The following ZNF571 variants were observed in gnomAD, a reference collection of about 807,000 sequenced individuals.
ZNF571 encodes the protein zinc finger protein 571.
ZNF571 carries 4 observed loss-of-function variants against 7.7 expected under a neutral mutation model. The ratio of observed to expected loss-of-function variants is 0.52; its 90% CI spans 0.25 to 1.18. The LOEUF is 1.18. Among genes scored for constraint, ZNF571 ranks in the 50% most tolerant of loss-of-function variants. The pLI is 0.14. For synonymous variants in ZNF571, 251 were observed against 232.4 expected (o/e 1.08, Z -0.73); for missense variants, 704 against 726.9 (o/e 0.97, Z 0.36).
chr19:37,592,084 C>A (rs1370702071), intron 1 of ZNF571, among the ~76,000 whole-genome samples: 1 of 151,702 alleles, frequency 6.6e-6, no homozygotes, highest in Non-Finnish European at 1.5e-5. Context: ...ATGGTGAAAC[C>A]CCGTCTCTAC....
rs1017385484 is a variant in ZNF571 at position 37,565,932 on chromosome 19, A to G, written c.496T>C (p.Cys166Arg). Residue 166 changes from cysteine (C) to arginine (R), a missense_variant, in exon 4 of 4, where the codon TGC (cysteine) becomes CGC (arginine). Transcript: ENST00000451802. The stretch of plus-strand genomic sequence containing the variant: ...TTCCTGTGTTTCTTAACTTCAGAGC[A>G]TTTTTCTATATTATGATTTTCCTCA... ...QHEENHNIEK[C>R]SEVKKHRNTF... The G allele has an allele frequency of 2.5e-6, 4 of 1,613,800 alleles. No homozygotes were observed. The East Asian group carries it at 6.7e-5, about 27-fold the overall frequency.
chr19:37,589,178 C>T (rs1443167955), intron 1 of ZNF571, among the ~76,000 whole-genome samples: 2 of 128,546 alleles, frequency 1.6e-5, no homozygotes, highest in Non-Finnish European at 3.1e-5. Flanking sequence ...TCAGCCTGGG[C>T]GACAAGAGCC....
At chr19:37,577,514 A>T (rs1481114243) in intron 3 of ZNF571, among the ~76,000 whole-genome samples, 1 of 152,178 alleles carries the variant, frequency 6.6e-6, no homozygotes, top group African/African-American at 2.4e-5. Flanking sequence ...TATTAAGGAC[A>T]AAAAAAGCAA....
At chr19:37,583,159 C>A (rs2043534280) in intron 3 of ZNF571, among the ~76,000 whole-genome samples, 1 of 152,168 alleles carries the variant, frequency 6.6e-6, no homozygotes. Flanking sequence ...TGATTTACAG[C>A]CAACTTTATT....
intron 3 of ZNF571, among the ~76,000 whole-genome samples, chr19:37,578,136 T>A (rs893915037): frequency 5.9e-5 from 9 of 152,006 alleles, no homozygotes; most frequent in Non-Finnish European, 1.2e-4. Context: ...CCCAAACCAG[T>A]CCGCCCTTCC....
rs2070887594 is a variant in ZNF571 at position 37,583,985 on chromosome 19, T to C, written c.122A>G (p.Asn41Ser). 2 of 1,611,540 alleles carry C rather than the reference T, an allele frequency of 1.2e-6. No homozygotes were observed. The highest frequency in any genetic ancestry group is 1.7e-6 in the Non-Finnish European group (2 of 1,178,680). ...GATGATCTTACCCAATGAGATCAGG[T>C]TGCTGTAGTTCTCCAACATCACATC... Reference protein sequence around the residue: ...YRDVMLENYSNLISLDLESSC... With the variant: ...YRDVMLENYSSLISLDLESSC... The change falls in exon 3 of 4, where the codon AAC becomes AGC. Residue 41 changes from asparagine to serine, a missense_variant. Physicochemically the swap from Asn to Ser is conservative, Grantham distance 46. Transcript: ENST00000451802.
At chr19:37,571,522 A>G (rs971983143) in intron 3 of ZNF571, among the ~76,000 whole-genome samples, 1 of 152,118 alleles carries the variant, frequency 6.6e-6, no homozygotes, top group Non-Finnish European at 1.5e-5. Flanking sequence ...ACAAAAAAAC[A>G]AATTCAAACT....
chr19:37,580,271 A>G (rs2043406117), intron 3 of ZNF571, among the ~76,000 whole-genome samples: 1 of 152,220 alleles, frequency 6.6e-6, no homozygotes, highest in African/African-American at 2.4e-5. Context: ...ATCAATCCTC[A>G]TGATATATAC....
intron 3 of ZNF571, among the ~76,000 whole-genome samples, chr19:37,578,580 C>CA (rs1274321422): frequency 6.6e-6 from 1 of 152,216 alleles, no homozygotes; most frequent in African/African-American, 2.4e-5. Context: ...AAGCCGCAGT[C>CA]ACAGTGCTGA....
At chr19:37,571,586 AG>A (rs1392805251) in intron 3 of ZNF571, among the ~76,000 whole-genome samples, 1 of 152,216 alleles carries the variant, frequency 6.6e-6, no homozygotes, top group African/African-American at 2.4e-5. Context: ...TATGATACTT[AG>A]ACTTAAGATT....
At chr19:37,590,737 G>A (rs901773236) in intron 1 of ZNF571, among the ~76,000 whole-genome samples, 1 of 152,038 alleles carries the variant, frequency 6.6e-6, no homozygotes, top group Admixed American at 6.5e-5. Flanking sequence ...CAACTTCTCT[G>A]TAAGTGTAAT....
rs552469425 is a variant in ZNF571, at chr19:37,587,624, A to G, written c.-69-879T>C. ...TTTTTTTTGGTAGCATTGATCTTGC[A>G]TACATGTATAATCCATGAACTTAAC... On this transcript the variant is annotated intron_variant, in intron 1 of 3. Transcript: ENST00000451802. Among the ~76,000 whole-genome samples, 10 of 151,310 alleles carry G rather than the reference A, an allele frequency of 6.6e-5. No individual in the cohort carries two copies. The East Asian group carries it at 1.9e-3, about 29-fold the overall frequency.
intron 2 of ZNF571, chr19:37,585,647 C>T (rs1006682657): frequency 6.6e-6 from 1 of 152,188 alleles, no homozygotes; most frequent in Admixed American, 6.5e-5. Context: ...TTGTTGGATT[C>T]CTGAATAGAG....
intron 1 of ZNF571, among the ~76,000 whole-genome samples, chr19:37,590,816 A>G (rs1413790147): frequency 6.6e-6 from 1 of 152,220 alleles, no homozygotes; most frequent in Non-Finnish European, 1.5e-5. Context: ...AAGAGACTAA[A>G]GAGGCATAAC....
rs1239412209 is a variant in ZNF571 at position 37,564,954 on chromosome 19, G to A, written c.1474C>T (p.His492Tyr). 6 of 1,613,836 alleles carry A rather than the reference G, an allele frequency of 3.7e-6. No homozygotes were observed. Among genetic ancestry groups the A allele is most frequent in the Middle Eastern group, 1.7e-4 (1 of 6,050 alleles). ...TTTTCACCTGTATGAATTCTTTGAT[G>A]ATATGTAAGTTGTGTAGCACGTACA... is the stretch of plus-strand genomic sequence containing the variant. ...TFVRATQLTY[H>Y]QRIHTGEKPY... Residue 492 changes from histidine to tyrosine, a missense_variant, in exon 4 of 4, where the codon CAT (histidine) becomes TAT (tyrosine). His to Tyr is a moderately conservative substitution (Grantham distance 83). Coordinates refer to ENST00000451802, the MANE Select transcript of ZNF571 (RefSeq NM_016536.5).
At chr19:37,572,642 T>C (rs2043103159) in intron 3 of ZNF571, among the ~76,000 whole-genome samples, 2 of 152,194 alleles carry the variant, frequency 1.3e-5, no homozygotes, top group Admixed American at 6.5e-5. Context: ...GCTAAGAAAG[T>C]ATGCAAGAAC....
chr19:37,581,651 T>A lies in ZNF571; in HGVS notation c.136+2320A>T, dbSNP rs117289310. Among the ~76,000 whole-genome samples, 239 of 151,980 alleles carry A rather than the reference T, an allele frequency of 1.6e-3. 2 individuals are homozygous for A. The East Asian group carries it at 0.024, about 15-fold the overall frequency. ...TGCTAATTTTTATTTTAAGTAGAGA[T>A]GGGGTTTTGCTATGTTGCCCAGGCT... On this transcript the variant is annotated intron_variant, in intron 3 of 3. Transcript: ENST00000451802.
chr19:37,586,550 C>T (rs940841111), intron 2 of ZNF571, 118 bp downstream of exon 2: 12 of 1,124,758 alleles, frequency 1.1e-5, no homozygotes, highest in South Asian at 5.4e-5. Context: ...GAATGGGAGA[C>T]GTTTGGAAGC....
At chr19:37,578,451 A>G (rs2043323709) in intron 3 of ZNF571, among the ~76,000 whole-genome samples, 1 of 152,140 alleles carries the variant, frequency 6.6e-6, no homozygotes, top group South Asian at 2.1e-4. Context: ...TCCCTGGGCC[A>G]CTAGACCAAC....
Sources: gnomAD v4.1 joint callset for allele counts (sites outside exome capture counted in the v4.1 genomes callset) on GRCh38, gnomAD v4.1.1 for gene constraint, MANE v1.5 for transcripts, NCBI Gene and HGNC (gene_info 2026-07-23, HGNC 2026-07-21) for gene names.